The following CCDC66 variants were observed in gnomAD, a reference collection of about 807,000 sequenced individuals.
The protein encoded by CCDC66 is coiled-coil domain containing 66.
Under a neutral mutation model 128.3 loss-of-function variants are expected in CCDC66, and 133 were observed. The ratio of observed to expected loss-of-function variants is 1.04; its 90% confidence interval spans 0.90 to 1.20. The LOEUF (loss-of-function observed/expected upper bound fraction) is 1.20, where lower values mean the gene tolerates loss of function less well. Ranked by LOEUF, CCDC66 falls within the 50% of genes most tolerant of loss-of-function variation. CCDC66 has a pLI of 0.00. For missense variants in CCDC66, 1,126 were observed against 1,075.5 expected, an observed-to-expected ratio of 1.05 and a Z score of -0.66; for synonymous variants, 387 against 357.0, an observed-to-expected ratio of 1.08 and a Z score of -0.95.
chr3:56,584,377 G>A (rs2069152667), intron 7 of CCDC66, among the ~76,000 whole-genome samples: 1 of 150,594 alleles, frequency 6.6e-6, no homozygotes, highest in Admixed American at 6.7e-5. Flanking sequence ...TTCTCAGACG[G>A]GGCGGCTGCC....
chr3:56,604,202 C>T (rs1356383894), intron 10 of CCDC66, among the ~76,000 whole-genome samples: 2 of 152,048 alleles, frequency 1.3e-5, no homozygotes, highest in African/African-American at 2.4e-5. Context: ...CTGAATACAG[C>T]ACACTGTTGG....
At chr3:56,571,377 A>T (rs372999176) in intron 7 of CCDC66, 75 bp downstream of exon 7, 5 of 251,702 alleles carry the variant, frequency 2.0e-5, no homozygotes, top group Non-Finnish European at 2.7e-5. Context: ...AAAGCTTATT[A>T]AAAAAAAAAA....
chr3:56,562,380 TG>T (rs2065219369), intron 3 of CCDC66, among the ~76,000 whole-genome samples: 1 of 152,140 alleles, frequency 6.6e-6, no homozygotes, highest in Non-Finnish European at 1.5e-5. Flanking sequence ...CTTCAATCTG[TG>T]GTAATGAAGT....
rs915194794 is a variant in CCDC66 at position 56,583,472 on chromosome 3, G to A, written c.937-9498G>A. On this transcript the variant is annotated intron_variant, in intron 7 of 17. Coordinates refer to ENST00000394672, the MANE Select transcript of CCDC66 (RefSeq NM_001141947.3). ...CCTTCCGCAGTGTTTGTGTCCCTGG[G>A]TACTTGAGATTAGGGAGTGGTGATG... Among the ~76,000 whole-genome samples, 9 of 151,990 alleles carry A rather than the reference G, an allele frequency of 5.9e-5. 1 individual carries two copies. Among genetic ancestry groups the A allele is most frequent in the Admixed American group, 1.3e-4 (2 of 15,178 alleles).
intron 10 of CCDC66, among the ~76,000 whole-genome samples, chr3:56,612,467 G>A (rs1438419731): frequency 6.6e-6 from 1 of 152,166 alleles, no homozygotes; most frequent in Non-Finnish European, 1.5e-5. Context: ...TGGCATCAGT[G>A]GTAGCAGGTC....
intron 7 of CCDC66, chr3:56,572,610 A>G (rs2066796240): frequency 7.2e-6 from 1 of 139,678 alleles, no homozygotes; most frequent in African/African-American, 3.4e-5. Flanking sequence ...ATTTTAGCAA[A>G]TGTATTCTGA....
intron 10 of CCDC66, among the ~76,000 whole-genome samples, chr3:56,602,498 A>G (rs1427821973): frequency 2.6e-5 from 4 of 152,000 alleles, no homozygotes; most frequent in Non-Finnish European, 5.9e-5. Context: ...CATAAAATTA[A>G]TTAGGGAGGA....
Position 56,593,002 on chromosome 3 carries a change from T to C in CCDC66, c.969T>C (p.Ala323=), listed in dbSNP as rs1438317564. 6.2e-7 allele frequency: 1 copy of C among 1,611,576 alleles called. No homozygotes were observed. The highest frequency in any genetic ancestry group is 8.5e-7 in the Non-Finnish European group (1 of 1,179,282). Residue 323 remains alanine (A), a synonymous_variant, in exon 8 of 18, where the codon GCT becomes GCC. Coordinates refer to ENST00000394672, the MANE Select transcript of CCDC66 (RefSeq NM_001141947.3). ...TACTGCTGGAGCACCCTTTCAGTGC[T>C]GTGAAACAAGAACTGCAAAGAAAAT... The part of the protein sequence containing the change: ...ETVLLEHPFS[A]VKQELQRKWI...
At chr3:56,607,830 T>C (rs1330185681) in intron 10 of CCDC66, among the ~76,000 whole-genome samples, 1 of 152,170 alleles carries the variant, frequency 6.6e-6, no homozygotes, top group Non-Finnish European at 1.5e-5. Context: ...CTGATTTTGC[T>C]GAGGGTTTTG....
chr3:56,576,006 C>T (rs376997739), intron 7 of CCDC66, among the ~76,000 whole-genome samples: 2 of 151,158 alleles, frequency 1.3e-5, no homozygotes, highest in Non-Finnish European at 2.9e-5. Context: ...TTTGTCTATT[C>T]GTGGTCCCTT....
chr3:56,560,795 A>T, intron 3 of CCDC66: 1 of 422,092 alleles, frequency 2.4e-6, no homozygotes, highest in Non-Finnish European at 4.6e-6. Context: ...TTTAATTTTT[A>T]GATTAATATC....
At chr3:56,593,898 T>A (rs754211019) in intron 9 of CCDC66, 46 bp from the exon 10 acceptor site, 2 of 1,599,502 alleles carry the variant, frequency 1.3e-6, no homozygotes, top group Admixed American at 3.4e-5. Context: ...GCTTGTTGAA[T>A]CTACCTTTTT....
chr3:56,559,698 G>C (rs999886183), intron 3 of CCDC66, 104 bp downstream of exon 3: 23 of 876,444 alleles, frequency 2.6e-5, no homozygotes, highest in Middle Eastern at 2.2e-4. Flanking sequence ...GTTCTAAGGG[G>C]TTTGGAATTA....
intron 10 of CCDC66, among the ~76,000 whole-genome samples, chr3:56,600,966 G>C (rs1292323271): frequency 6.6e-6 from 1 of 152,048 alleles, no homozygotes; most frequent in African/African-American, 2.4e-5. Flanking sequence ...TTGCTGTGCA[G>C]AAGTTCTTTA....
chr3:56,588,472 A>G (rs1349415208), intron 7 of CCDC66, among the ~76,000 whole-genome samples: 1 of 152,220 alleles, frequency 6.6e-6, no homozygotes, highest in East Asian at 1.9e-4. Flanking sequence ...TTTTTTAAAA[A>G]GTAATTGCAG....
At position 56,597,777 on chromosome 3, in the gene CCDC66, G is replaced by GTT. The variant is rs3064563; in HGVS notation, c.1404+3763_1404+3764dup. Among the ~76,000 whole-genome samples the GTT allele has an allele frequency of 8.7e-3, 765 of 87,958 alleles. 74 individuals carry two copies. Among genetic ancestry groups the GTT allele is most frequent in the African/African-American group, 0.028 (660 of 23,810 alleles). The allele number at this position is 87,958 out of a possible 152,430, so 57.7% of individuals were successfully genotyped here. ...TGTGGAGTCTAGGTTTTGTTTTGGG[G>GTT]TTTTTTTTTTTTTTTGAGACAGAGC... On this transcript the variant is annotated intron_variant, in intron 10 of 17. Transcript: ENST00000394672.
chr3:56,567,166 T>C, intron 6 of CCDC66, 113 bp downstream of exon 6: 1 of 699,668 alleles, frequency 1.4e-6, no homozygotes, highest in Non-Finnish European at 2.5e-6. Flanking sequence ...CCGAGGTGGG[T>C]GGATCAGGAG....
chr3:56,593,727 C>G lies in CCDC66; in HGVS notation c.1305C>G (p.Asn435Lys). 6.2e-7 allele frequency: 1 copy of G among 1,611,834 alleles called. No individual in the cohort carries two copies. Among genetic ancestry groups the G allele is most frequent in the South Asian group, 1.1e-5 (1 of 91,050 alleles). ...AKPIKDVVMA[N>K]SKKTNFLRSM... is the part of the protein sequence containing the mutation. Reference sequence around the variant, plus strand: ...CTATTAAGGATGTGGTTATGGCAAACAGTAAGAAAACAAAGTAAGTTCATG... The same window carrying G: ...CTATTAAGGATGTGGTTATGGCAAAGAGTAAGAAAACAAAGTAAGTTCATG... Residue 435 changes from asparagine to lysine, a missense_variant, in exon 9 of 18, where the codon AAC becomes AAG. Transcript: ENST00000394672.
At chr3:56,617,794 A>ATTCT in intron 14 of CCDC66, 189 bp downstream of exon 14, 1 of 638,458 alleles carries the variant, frequency 1.6e-6, no homozygotes, top group Non-Finnish European at 2.6e-6. Context: ...TAGTCAACTC[A>ATTCT]TTCTTTTATG....
Sources: allele counts gnomAD v4.1 joint callset (sites outside exome capture counted in the v4.1 genomes callset), GRCh38; gene constraint gnomAD v4.1.1; transcripts MANE v1.5; gene names NCBI Gene and HGNC (gene_info 2026-07-23, HGNC 2026-07-21).